Variants in ACBD6 observed in about 807,000 individuals in gnomAD.
ACBD6 encodes the protein acyl-CoA-binding domain-containing protein 6.
ACBD6 carries 28 observed loss-of-function variants against 37.2 expected under a neutral mutation model. The observed-to-expected ratio is 0.75, with a 90% confidence interval of 0.56 to 1.03. ACBD6 has a LOEUF of 1.03. Ranked by LOEUF, ACBD6 falls within the 50% of genes least tolerant of loss-of-function variation. The pLI, the probability that ACBD6 is intolerant of heterozygous loss-of-function variation, is 0.00. For synonymous variants in ACBD6, 113 were observed against 126.8 expected (o/e 0.89, Z 0.73); for missense variants, 340 against 337.4 (o/e 1.01, Z -0.06).
At chr1:180,376,701 G>A (rs1005836215) in intron 6 of ACBD6, among the ~76,000 whole-genome samples, 4 of 152,190 alleles carry the variant, frequency 2.6e-5, no homozygotes, top group Admixed American at 6.5e-5. Context: ...GTTACCTGTA[G>A]GGAGTGGGTG....
intron 7 of ACBD6, among the ~76,000 whole-genome samples, chr1:180,310,902 A>C (rs961951071): frequency 6.6e-6 from 1 of 152,168 alleles, no homozygotes; most frequent in East Asian, 1.9e-4. Flanking sequence ...TCCCCAATTA[A>C]TTATTGTTGG....
intron 5 of ACBD6, among the ~76,000 whole-genome samples, chr1:180,399,678 G>A (rs975573165): frequency 1.3e-5 from 2 of 152,162 alleles, no homozygotes; most frequent in Non-Finnish European, 2.9e-5. Context: ...GTGACCTGCT[G>A]TTACTAGGGC....
At chr1:180,379,519 A>G (rs1653562699) in intron 6 of ACBD6, among the ~76,000 whole-genome samples, 1 of 152,210 alleles carries the variant, frequency 6.6e-6, no homozygotes, top group South Asian at 2.1e-4. Context: ...AAAACAATTC[A>G]GGATATGAAT....
exon 14 of ACBD6, chr1:180,271,948 G>C (rs1056096152): frequency 2.5e-6 from 4 of 1,613,242 alleles, no homozygotes; most frequent in Non-Finnish European, 3.4e-6. Flanking sequence ...GCAGCAAGCA[G>C]GAGAAGGAGA....
chr1:180,274,031 G>C (rs1571299590), exon 11 of ACBD6: 2 of 852,942 alleles, frequency 2.3e-6, no homozygotes, highest in South Asian at 3.0e-5. Flanking sequence ...TGGATATCAG[G>C]CTGCCATATT....
chr1:180,486,811 G>C (rs1651284247), intron 3 of ACBD6, among the ~76,000 whole-genome samples: 1 of 152,156 alleles, frequency 6.6e-6, no homozygotes. Flanking sequence ...CCTTACCCAA[G>C]TGATCAAAGT....
chr1:180,362,553 T>C (rs1394446291), intron 6 of ACBD6, among the ~76,000 whole-genome samples: 2 of 152,360 alleles, frequency 1.3e-5, no homozygotes, highest in East Asian at 1.9e-4. Flanking sequence ...TGTTCTTTTA[T>C]GGAAACCCCA....
downstream of ACBD6, among the ~76,000 whole-genome samples, chr1:180,284,301 A>C (rs190156621): frequency 7.9e-5 from 12 of 152,360 alleles, no homozygotes; most frequent in Admixed American, 2.0e-4. Flanking sequence ...ACTCAAGGTA[A>C]AAGTTCCAAT....
intron 6 of ACBD6, among the ~76,000 whole-genome samples, chr1:180,365,023 G>A (rs1003546719): frequency 6.6e-6 from 1 of 152,112 alleles, no homozygotes; most frequent in Non-Finnish European, 1.5e-5. Context: ...ATGAGCCACC[G>A]CGCCTGGCCA....
At chr1:180,437,196 T>C (rs1323860866) in intron 3 of ACBD6, among the ~76,000 whole-genome samples, 1 of 152,218 alleles carries the variant, frequency 6.6e-6, no homozygotes, top group Non-Finnish European at 1.5e-5. Context: ...CAAATGTGTT[T>C]CCCTGAGTTC....
At chr1:180,354,074 C>T (rs982478151) in intron 6 of ACBD6, among the ~76,000 whole-genome samples, 12 of 152,326 alleles carry the variant, frequency 7.9e-5, no homozygotes, top group South Asian at 4.1e-4. Flanking sequence ...CACCAGGGAA[C>T]ATTTGAAAAT....
intron 5 of ACBD6, 91 bp downstream of exon 5, chr1:180,413,275 G>T: frequency 1.1e-6 from 1 of 909,992 alleles, no homozygotes; most frequent in Non-Finnish European, 1.8e-6. Context: ...TGTACTTTGA[G>T]TTGTAGTTCA....
intron 3 of ACBD6, among the ~76,000 whole-genome samples, chr1:180,470,711 A>G (rs79495088): frequency 1.1e-3 from 160 of 152,362 alleles, no homozygotes; most frequent in Non-Finnish European, 1.8e-3. Flanking sequence ...AACACCTAGA[A>G]AAGACAACAC....
chr1:180,375,097 A>G (rs1357254733), intron 6 of ACBD6, among the ~76,000 whole-genome samples: 1 of 152,206 alleles, frequency 6.6e-6, no homozygotes, highest in African/African-American at 2.4e-5. Context: ...AGTTACATAA[A>G]CTATTATGAA....
chr1:180,280,809 G>T (rs1649285121), intron 9 of ACBD6, among the ~76,000 whole-genome samples: 1 of 152,160 alleles, frequency 6.6e-6, no homozygotes, highest in South Asian at 2.1e-4. Context: ...TTGGGTGGTG[G>T]TTAGGGAAAT....
At chr1:180,422,916 T>C (rs923712805) in intron 4 of ACBD6, among the ~76,000 whole-genome samples, 8 of 152,200 alleles carry the variant, frequency 5.3e-5, no homozygotes, top group Non-Finnish European at 2.9e-5. Flanking sequence ...AGTAGTATAG[T>C]ATGTACTACA....
exon 14 of ACBD6, chr1:180,271,569 CCCAGGCCCGGGACA>C: frequency 4.3e-6 from 7 of 1,611,888 alleles, no homozygotes; most frequent in Non-Finnish European, 5.9e-6. Context: ...CTCCGGGGAT[CCCAGGCCCGGGACA>C]GGGGTGGAAG....
intron 10 of ACBD6, chr1:180,274,271 A>G (rs1648885072): frequency 9.9e-6 from 16 of 1,614,196 alleles, no homozygotes; most frequent in Non-Finnish European, 1.4e-5. Flanking sequence ...AATGAATGGG[A>G]GCTTCTCCAT....
At chr1:180,298,953 C>T (rs921548322) in intron 7 of ACBD6, among the ~76,000 whole-genome samples, 1 of 152,194 alleles carries the variant, frequency 6.6e-6, no homozygotes, top group Non-Finnish European at 1.5e-5. Flanking sequence ...CTGTTGGAGA[C>T]TCACTGTTGA....
Sources: gnomAD v4.1 joint callset for allele counts (sites outside exome capture counted in the v4.1 genomes callset) on GRCh38, gnomAD v4.1.1 for gene constraint, MANE v1.5 for transcripts, NCBI Gene and HGNC (gene_info 2026-07-23, HGNC 2026-07-21) for gene names.